The following SASH1 variants were observed in gnomAD, a reference collection of about 807,000 sequenced individuals.
The protein encoded by SASH1 is SAM and SH3 domain containing 1.
In SASH1, 44 loss-of-function variants were observed where a neutral mutation model predicts 125.2. The observed-to-expected ratio is 0.35, with a 90% CI of 0.28 to 0.45. The LOEUF (loss-of-function observed/expected upper bound fraction) is 0.45, where lower values mean the gene tolerates loss of function less well. Ranked by LOEUF, SASH1 falls within the 20% of genes least tolerant of loss-of-function variation. The probability of loss-of-function intolerance (pLI) is 1.00; values close to 1 mark genes in which losing one functional copy is unlikely to be tolerated. For missense variants in SASH1, 1,426 were observed against 1,614.5 expected (o/e 0.88, Z 2.00); for synonymous variants, 639 against 649.1 (o/e 0.98, Z 0.24).
intron 7 of SASH1, among the ~76,000 whole-genome samples, chr6:148,483,453 C>T (rs994995469): frequency 6.6e-6 from 1 of 152,148 alleles, no homozygotes; most frequent in Admixed American, 6.5e-5. Context: ...GACATCCAAA[C>T]TATATATAGC....
intron 8 of SASH1, among the ~76,000 whole-genome samples, chr6:148,501,212 C>A (rs1238615888): frequency 2.0e-5 from 3 of 151,978 alleles, no homozygotes; most frequent in African/African-American, 7.2e-5. Context: ...TTGCCATTTG[C>A]CTAGACAAGG....
At chr6:148,500,515 T>C (rs1779521318) in intron 8 of SASH1, among the ~76,000 whole-genome samples, 1 of 152,214 alleles carries the variant, frequency 6.6e-6, no homozygotes. Flanking sequence ...TTTCCATCGT[T>C]TCACTCATTG....
intron 1 of SASH1, among the ~76,000 whole-genome samples, chr6:148,332,166 T>C (rs1781013380): frequency 6.6e-6 from 1 of 152,078 alleles, no homozygotes; most frequent in African/African-American, 2.4e-5. Flanking sequence ...TGCTTTAGCA[T>C]GGGTTTGGCT....
intron 11 of SASH1, among the ~76,000 whole-genome samples, chr6:148,525,799 G>A (rs907486529): frequency 5.3e-5 from 8 of 152,062 alleles, no homozygotes; most frequent in African/African-American, 1.9e-4. Flanking sequence ...GTCTTATTAT[G>A]GGCCCAGTAC....
chr6:148,204,950 G>A, the SASH1 span, among the ~76,000 whole-genome samples: 2 of 151,952 alleles, frequency 1.3e-5, no homozygotes, highest in Non-Finnish European at 2.9e-5. Context: ...ACTTTTTTCC[G>A]AGAAGGCTGT....
the SASH1 span, among the ~76,000 whole-genome samples, chr6:148,245,175 A>T: frequency 6.6e-6 from 1 of 152,198 alleles, no homozygotes. Flanking sequence ...CTCTCTGCTT[A>T]TGAAAACAAA....
chr6:148,409,933 C>A (rs1229103470), intron 2 of SASH1, among the ~76,000 whole-genome samples: 1 of 151,578 alleles, frequency 6.6e-6, no homozygotes, highest in Admixed American at 6.6e-5. Context: ...AGCAAGACTC[C>A]ATCTCAAACA....
chr6:148,219,854 G>A, the SASH1 span, among the ~76,000 whole-genome samples: 2 of 152,200 alleles, frequency 1.3e-5, no homozygotes, highest in East Asian at 3.9e-4. Context: ...CAGCACAGGT[G>A]GAACCTGAGG....
chr6:148,204,673 C>T, the SASH1 span, among the ~76,000 whole-genome samples: 7 of 151,734 alleles, frequency 4.6e-5, no homozygotes, highest in African/African-American at 1.5e-4. Flanking sequence ...GACTGGGCAA[C>T]GAGAGTGAAA....
chr6:148,266,778 AT>A, the SASH1 span, among the ~76,000 whole-genome samples: 344 of 141,900 alleles, frequency 2.4e-3, 1 homozygote, highest in Middle Eastern at 0.011. Context: ...TTTTTTTTTA[AT>A]TTTTTTTTTT....
rs1781395793 is a variant in SASH1 at position 148,529,718 on chromosome 6, A to ATAAG, written c.1429-1806_1429-1803dup. On this transcript the variant is annotated intron_variant, in intron 12 of 19. Transcript: ENST00000367467. This position sits in a 1 kb window ranked among gnomAD's most constrained non-coding sequence, Gnocchi z 4.2. The stretch of plus-strand genomic sequence containing the variant: ...TGTTTTTTTAAAGCAGCCATTTCAC[A>ATAAG]TAAGTTAAGGAATAAAAGAAACAAC... Among the ~76,000 whole-genome samples the ATAAG allele has an allele frequency of 6.6e-6, 1 of 152,194 alleles. No homozygotes were observed. Among genetic ancestry groups the ATAAG allele is most frequent in the Non-Finnish European group, 1.5e-5 (1 of 68,036 alleles).
chr6:148,280,650 GA>G (rs1232125595), intron 1 of SASH1, among the ~76,000 whole-genome samples: 1 of 151,654 alleles, frequency 6.6e-6, no homozygotes, highest in Non-Finnish European at 1.5e-5. Context: ...CCTACAAAAA[GA>G]AAAAAAATTA....
intron 2 of SASH1, among the ~76,000 whole-genome samples, chr6:148,418,165 T>A (rs1248852289): frequency 3.3e-5 from 5 of 152,294 alleles, no homozygotes; most frequent in Admixed American, 3.3e-4. Context: ...TTTGACAACA[T>A]CTAGGTGTAA....
the SASH1 span, among the ~76,000 whole-genome samples, chr6:148,262,934 C>T: frequency 3.2e-4 from 48 of 152,200 alleles, no homozygotes; most frequent in African/African-American, 6.3e-4. Context: ...CTTAGAGGAA[C>T]GGAGCTGCTG....
chr6:148,340,114 T>C (rs1276529121), upstream of SASH1, among the ~76,000 whole-genome samples: 8 of 152,120 alleles, frequency 5.3e-5, no homozygotes, highest in Non-Finnish European at 1.0e-4. Flanking sequence ...CTTGCTGAGT[T>C]ATTTGCTGGA....
chr6:148,531,698 G>GAGTT, intron 13 of SASH1, 37 bp downstream of exon 13: 3 of 1,462,506 alleles, frequency 2.1e-6, no homozygotes, highest in Non-Finnish European at 1.8e-6. Context: ...ATTTTCTTTG[G>GAGTT]AGTTAATATC....
chr6:148,440,472 G>A (rs553288966), intron 4 of SASH1, 65 bp downstream of exon 4: 36 of 1,371,130 alleles, frequency 2.6e-5, no homozygotes, highest in East Asian at 6.9e-5. Flanking sequence ...CCATGCTGAC[G>A]GAAATCAAAC....
At position 148,274,231 on chromosome 6, in the gene SASH1, G is replaced by A. The variant is rs374253817; in HGVS notation, n.74+1854G>A. ...GAAAGTGAACAGACATGGCTGGCAG[G>A]TTCTCCTTTCAACTTGGGGCAGATG... On this transcript the variant is annotated intron_variant and non_coding_transcript_variant, in intron 1 of 3. Transcript: ENST00000367469. Among the ~76,000 whole-genome samples the A allele has an allele frequency of 5.4e-4, 82 of 152,282 alleles. 1 individual carries two copies. Among genetic ancestry groups the A allele is most frequent in the Admixed American group, 2.7e-3 (41 of 15,298 alleles).
intron 2 of SASH1, among the ~76,000 whole-genome samples, chr6:148,394,645 T>C (rs1367666572): frequency 2.0e-5 from 3 of 152,100 alleles, no homozygotes; most frequent in African/African-American, 7.2e-5. Context: ...CTCTCTCTCT[T>C]TCTTTCTTTC....
Sources: allele counts gnomAD v4.1 joint callset (sites outside exome capture counted in the v4.1 genomes callset), GRCh38; gene constraint gnomAD v4.1.1; non-coding constraint Gnocchi (gnomAD v3.1); transcripts MANE v1.5; gene names NCBI Gene and HGNC (gene_info 2026-07-23, HGNC 2026-07-21).